ZFAND4: variants seen among roughly 807,000 people sequenced by gnomAD.
ZFAND4 encodes AN1-type zinc finger protein 4.
ZFAND4 carries 43 observed loss-of-function variants against 64.4 expected under a neutral mutation model. The observed-to-expected ratio is 0.67, with a 90% confidence interval of 0.52 to 0.86. The LOEUF is 0.86. ZFAND4 is among the 40% of genes least tolerant of loss of function. ZFAND4 has a pLI of 0.00. For synonymous variants in ZFAND4, 296 were observed against 305.7 expected (o/e 0.97, Z 0.33); for missense variants, 929 against 859.8 (o/e 1.08, Z -1.01).
At chr10:45,658,032 T>G (rs2048246850) in intron 2 of ZFAND4, among the ~76,000 whole-genome samples, 1 of 152,230 alleles carries the variant, frequency 6.6e-6, no homozygotes. Flanking sequence ...AGTAAATGTC[T>G]GCCAACACCA....
Position 45,644,093 on chromosome 10 carries a change from G to A in ZFAND4, c.570-4130C>T, listed in dbSNP as rs139505700. On this transcript the variant is annotated intron_variant, in intron 5 of 9. Transcript: ENST00000344646. Reference sequence around the variant, plus strand: ...ATGACAGACTTTATGTGGCTCTCTCGTTGCTCTACACTGTGATATGGAGAA... The same window carrying A: ...ATGACAGACTTTATGTGGCTCTCTCATTGCTCTACACTGTGATATGGAGAA... Among the ~76,000 whole-genome samples, 646 of 151,984 alleles carry A rather than the reference G, an allele frequency of 4.3e-3. 4 individuals carry two copies. The highest frequency in any genetic ancestry group is 0.015 in the African/African-American group (604 of 41,472).
chr10:45,630,198 C>T (rs2046108370), intron 6 of ZFAND4, among the ~76,000 whole-genome samples: 1 of 152,120 alleles, frequency 6.6e-6, no homozygotes, highest in Admixed American at 6.5e-5. Flanking sequence ...AACTCCATCA[C>T]AATACCCCAA....
chr10:45,622,030 T>C (rs1320190327), intron 8 of ZFAND4, among the ~76,000 whole-genome samples: 2 of 152,120 alleles, frequency 1.3e-5, no homozygotes, highest in Non-Finnish European at 2.9e-5. Context: ...GCAATGCAAA[T>C]TTCCAAGAAG....
At position 45,639,902 on chromosome 10, in the gene ZFAND4, CAGA is replaced by C. The variant is rs752342334; in HGVS notation, c.628_630del (p.Ser210del). ...ATTGAATTTTCAATTATCTGTTGCC[CAGA>C]AGAAGAAGGCTCAGTTTCTTCATCC... On this transcript the variant is annotated inframe_deletion, in exon 6 of 10. Transcript: ENST00000344646. 5.4e-5 allele frequency: 87 copies of C among 1,613,518 alleles called. No homozygotes were observed. The highest frequency in any genetic ancestry group is 4.8e-4 in the African/African-American group (36 of 75,000).
In ZFAND4 at chr10:45,636,857, A is replaced by G. The variant is rs924731240; in HGVS notation, c.717+2959T>C. Among the ~76,000 whole-genome samples, 3 of 152,156 alleles carry G rather than the reference A, an allele frequency of 2.0e-5. No homozygotes were observed. The East Asian group carries it at 5.8e-4, about 29-fold the overall frequency. On this transcript the variant is annotated intron_variant, in intron 6 of 9. Transcript: ENST00000344646. ...CCATCGATTTTTGAGAGTGGGATGT[A>G]GAAATCTTTCAACAAAAGTATTTGT...
chr10:45,635,205 AAAAAAAAACAAAAAAAAAACAAAC>A (rs2046486218), intron 6 of ZFAND4, among the ~76,000 whole-genome samples: 1 of 144,264 alleles, frequency 6.9e-6, no homozygotes, highest in African/African-American at 2.6e-5. Flanking sequence ...CAAAAAAAAA[AAAAAAAAACAAAAAAAAAACAAAC>A]AAAAAAAAAC....
Position 45,645,919 on chromosome 10 carries a change from C to T in ZFAND4, c.569+2375G>A, listed in dbSNP as rs867878576. Among the ~76,000 whole-genome samples the T allele has an allele frequency of 7.6e-4, 116 of 151,938 alleles. 1 individual carries two copies. Among genetic ancestry groups the T allele is most frequent in the African/African-American group, 2.5e-3 (103 of 41,462 alleles). ...ATTTTATAAACGCCTTAAAAATGAT[C>T]AATATGTTCAATAAAAGCATGTGCT... is the stretch of plus-strand genomic sequence containing the variant. On this transcript the variant is annotated intron_variant, in intron 5 of 9. Coordinates refer to ENST00000344646, the MANE Select transcript of ZFAND4 (RefSeq NM_174890.4).
In ZFAND4 at chr10:45,626,846, T is replaced by G; in HGVS notation, c.977A>C (p.Asn326Thr). Residue 326 changes from asparagine to threonine, a missense_variant, in exon 7 of 10, where the codon AAC becomes ACC. By Grantham distance (65) the Asn-to-Thr change is moderately conservative. Transcript: ENST00000344646. ...FLKEDNSWEN[N>T]TLSHFSSNVK... ...GTTGCTACTGAAGTGAGACAGTGTG[T>G]TATTCTCCCAGCTATTATCTTCCTT... The G allele has an allele frequency of 6.2e-7, 1 of 1,614,204 alleles. No individual in the cohort carries two copies. Among genetic ancestry groups the G allele is most frequent in the Non-Finnish European group, 8.5e-7 (1 of 1,180,042 alleles).
At chr10:45,661,833 G>A (rs111297916) in intron 2 of ZFAND4, among the ~76,000 whole-genome samples, 1 of 151,982 alleles carries the variant, frequency 6.6e-6, no homozygotes, top group Non-Finnish European at 1.5e-5. Flanking sequence ...CCAGCTACTC[G>A]GGAGGCTGAG....
rs753384142 is a variant in ZFAND4 at position 45,640,466 on chromosome 10, G to A, written c.570-503C>T. The A allele has an allele frequency of 9.4e-6, 11 of 1,166,836 alleles. 1 individual carries two copies. In the South Asian group the frequency reaches 1.7e-4, roughly 18 times the overall value. The allele number at this position is 1,166,836 out of a possible 1,614,324, so 72.3% of individuals were successfully genotyped here. ...AAGAATTCATACACAGGTGTCATCA[G>A]AACATTTTCTATTCTTAAGGAGCAA... is the stretch of plus-strand genomic sequence containing the variant. On this transcript the variant is annotated intron_variant, in intron 5 of 9. Coordinates refer to ENST00000344646, the MANE Select transcript of ZFAND4 (RefSeq NM_174890.4).
intron 2 of ZFAND4, among the ~76,000 whole-genome samples, chr10:45,661,561 C>T (rs566637745): frequency 5.9e-5 from 9 of 152,298 alleles, no homozygotes; most frequent in African/African-American, 1.9e-4. Flanking sequence ...TTCCATATCC[C>T]TCTAACTTGG....
chr10:45,623,047 C>A (rs965605727), intron 8 of ZFAND4, among the ~76,000 whole-genome samples: 2 of 152,096 alleles, frequency 1.3e-5, no homozygotes, highest in African/African-American at 4.8e-5. Context: ...GTCACAGATA[C>A]GCAAATCAAA....
At chr10:45,635,044 AT>A (rs2046459087) in intron 6 of ZFAND4, among the ~76,000 whole-genome samples, 1 of 151,956 alleles carries the variant, frequency 6.6e-6, no homozygotes, top group African/African-American at 2.4e-5. Context: ...AAGAATTAAT[AT>A]TGTTAAAATG....
At chr10:45,630,737 T>C (rs1661145857) in intron 6 of ZFAND4, among the ~76,000 whole-genome samples, 1 of 143,912 alleles carries the variant, frequency 6.9e-6, no homozygotes, top group East Asian at 2.1e-4. Flanking sequence ...AAAACAAAAA[T>C]ACTGAGGAAA....
At chr10:45,653,233 A>C (rs1185654449) in intron 2 of ZFAND4, among the ~76,000 whole-genome samples, 174 bp from the exon 3 acceptor site, 3 of 152,236 alleles carry the variant, frequency 2.0e-5, no homozygotes, top group Non-Finnish European at 4.4e-5. Context: ...CATGCCTAAA[A>C]GGAGATATAG....
chr10:45,621,308 G>A (rs1017450031), intron 8 of ZFAND4, among the ~76,000 whole-genome samples: 1 of 151,790 alleles, frequency 6.6e-6, no homozygotes, highest in African/African-American at 2.4e-5. Context: ...TTATTACAGT[G>A]AGAGAAAAAT....
At chr10:45,640,028 A>G in intron 5 of ZFAND4, 65 bp from the exon 6 acceptor site, 2 of 1,518,482 alleles carry the variant, frequency 1.3e-6, no homozygotes, top group South Asian at 2.6e-5. Flanking sequence ...AAAATGCTCT[A>G]TATGAAACAG....
In ZFAND4 at chr10:45,626,846, T is replaced by C; in HGVS notation, c.977A>G (p.Asn326Ser). ...GTTGCTACTGAAGTGAGACAGTGTGTTATTCTCCCAGCTATTATCTTCCTT... is the reference window on the plus strand; with the variant it reads ...GTTGCTACTGAAGTGAGACAGTGTGCTATTCTCCCAGCTATTATCTTCCTT... The part of the protein sequence containing the change: ...FLKEDNSWEN[N>S]TLSHFSSNVK... Residue 326 changes from asparagine to serine, a missense_variant, in exon 7 of 10, where the codon AAC (asparagine) becomes AGC (serine). Asn to Ser is a conservative substitution (Grantham distance 46, BLOSUM62 1). Transcript: ENST00000344646. 6.2e-7 allele frequency: 1 copy of C among 1,614,204 alleles called. No homozygotes were observed. The highest frequency in any genetic ancestry group is 8.5e-7 in the Non-Finnish European group (1 of 1,180,042).
At chr10:45,665,729 C>G (rs913474623) in intron 1 of ZFAND4, among the ~76,000 whole-genome samples, 1 of 152,304 alleles carries the variant, frequency 6.6e-6, no homozygotes, top group Admixed American at 6.5e-5. Context: ...CCCAAATTCC[C>G]CCAGTCCCCC....
Sources: gnomAD v4.1 joint callset for allele counts (sites outside exome capture counted in the v4.1 genomes callset) on GRCh38, gnomAD v4.1.1 for gene constraint, MANE v1.5 for transcripts, NCBI Gene and HGNC (gene_info 2026-07-23, HGNC 2026-07-21) for gene names.